Variants in CSMD1 observed in about 807,000 individuals in gnomAD.
CSMD1 encodes CUB and sushi domain-containing protein 1.
Under a neutral mutation model 417.5 loss-of-function variants are expected in CSMD1, and 213 were observed. The observed-to-expected ratio is 0.51, with a 90% confidence interval of 0.46 to 0.57. The LOEUF (loss-of-function observed/expected upper bound fraction) is 0.57, where lower values mean the gene tolerates loss of function less well. Among genes scored for constraint, CSMD1 ranks in the 20% least tolerant of loss-of-function variants. The pLI is 0.00. For missense variants in CSMD1, 6,923 were observed against 4,529.7 expected (o/e 1.53, Z -15.17); for synonymous variants, 2,862 against 1,736.8 (o/e 1.65, Z -16.11).
intron 3 of CSMD1, among the ~76,000 whole-genome samples, chr8:4,155,018 A>T (rs1796758090): frequency 6.6e-6 from 1 of 152,140 alleles, no homozygotes; most frequent in Non-Finnish European, 1.5e-5. Flanking sequence ...GCAGTGATAA[A>T]CCTCATCACA....
intron 4 of CSMD1, among the ~76,000 whole-genome samples, chr8:4,021,313 A>G (rs1443034959): frequency 6.6e-6 from 1 of 152,200 alleles, no homozygotes; most frequent in African/African-American, 2.4e-5. Context: ...GGTTGACAAA[A>G]TCCATTATTA....
At chr8:3,938,089 T>C (rs555263214) in intron 5 of CSMD1, among the ~76,000 whole-genome samples, 3 of 152,144 alleles carry the variant, frequency 2.0e-5, no homozygotes, top group Admixed American at 1.3e-4. Context: ...GATCGTGTAG[T>C]AGAAATTTTG....
chr8:3,080,380 G>A (rs932461580), intron 49 of CSMD1, among the ~76,000 whole-genome samples: 3 of 152,192 alleles, frequency 2.0e-5, no homozygotes, highest in Non-Finnish European at 4.4e-5. Flanking sequence ...GATCTGCCTG[G>A]CTTTATCAAG....
At chr8:4,979,672 T>C (rs1810767051) in intron 1 of CSMD1, among the ~76,000 whole-genome samples, 1 of 152,238 alleles carries the variant, frequency 6.6e-6, no homozygotes, top group Non-Finnish European at 1.5e-5. Flanking sequence ...GTGGTGAAAA[T>C]GTGTTTAGTT....
chr8:4,727,504 G>A (rs894279682), intron 1 of CSMD1, among the ~76,000 whole-genome samples: 2 of 152,260 alleles, frequency 1.3e-5, no homozygotes, highest in Admixed American at 6.5e-5. Flanking sequence ...CTTTCAAAAA[G>A]CAAGTGAAAT....
chr8:3,973,177 A>G (rs1813200044), intron 5 of CSMD1, among the ~76,000 whole-genome samples: 1 of 152,194 alleles, frequency 6.6e-6, no homozygotes, highest in Admixed American at 6.5e-5. Context: ...AACGTGGAAA[A>G]ACTGTTACCT....
chr8:3,749,045 G>C (rs904161019), intron 6 of CSMD1, among the ~76,000 whole-genome samples: 4 of 152,092 alleles, frequency 2.6e-5, no homozygotes, highest in Non-Finnish European at 5.9e-5. Context: ...TGTAAAACTG[G>C]AGCCCAACAC....
At chr8:3,282,290 G>C (rs537937403) in intron 26 of CSMD1, among the ~76,000 whole-genome samples, 19 of 152,204 alleles carry the variant, frequency 1.2e-4, no homozygotes, top group Middle Eastern at 3.4e-3. Context: ...ACAGGGAGGA[G>C]GCTGTGTGCT....
chr8:3,749,729 G>A (rs936714711), intron 6 of CSMD1, among the ~76,000 whole-genome samples: 9 of 151,382 alleles, frequency 5.9e-5, no homozygotes, highest in African/African-American at 2.2e-4. Context: ...TACGGTTTAT[G>A]TTTTTTTTTC....
intron 1 of CSMD1, among the ~76,000 whole-genome samples, chr8:4,978,906 C>A (rs1325541610): frequency 1.3e-5 from 2 of 152,140 alleles, no homozygotes; most frequent in African/African-American, 2.4e-5. Context: ...CCACTGCACT[C>A]CAGCCTGGGC....
At chr8:3,172,257 GT>G (rs1459856162) in intron 37 of CSMD1, among the ~76,000 whole-genome samples, 1 of 151,702 alleles carries the variant, frequency 6.6e-6, no homozygotes, top group Non-Finnish European at 1.5e-5. Flanking sequence ...ATTTTTGTTT[GT>G]TTTGTTTCAC....
intron 6 of CSMD1, among the ~76,000 whole-genome samples, chr8:3,744,203 G>A (rs1039859810): frequency 6.6e-6 from 1 of 152,206 alleles, no homozygotes; most frequent in African/African-American, 2.4e-5. Flanking sequence ...GTTGAGGACA[G>A]GGATGACGTG....
chr8:3,411,970 G>A lies in CSMD1; in HGVS notation c.1562-2365C>T, dbSNP rs1343605689. Among the ~76,000 whole-genome samples the A allele has an allele frequency of 1.0e-3, 43 of 42,950 alleles. 1 individual carries two copies. The highest frequency in any genetic ancestry group is 1.3e-3 in the Non-Finnish European group (26 of 20,506). The allele number at this position is 42,950 out of a possible 152,430, so 28.2% of individuals were successfully genotyped here. A position where few individuals can be genotyped will look rare whatever the true frequency, so the allele number is the denominator to read the frequency against. The stretch of plus-strand genomic sequence containing the variant: ...CGTATATATACACGTATATATGCAC[G>A]TATATATACACGTATATATACGTGT... On this transcript the variant is annotated intron_variant, in intron 12 of 69. Coordinates refer to ENST00000635120, the MANE Select transcript of CSMD1 (RefSeq NM_033225.6).
chr8:4,666,574 T>C (rs995764550), intron 1 of CSMD1, among the ~76,000 whole-genome samples: 2 of 152,238 alleles, frequency 1.3e-5, no homozygotes, highest in Non-Finnish European at 2.9e-5. Context: ...CTTCTAAAAC[T>C]GTAAAATAAC....
chr8:3,553,232 T>A (rs147164494), intron 10 of CSMD1, among the ~76,000 whole-genome samples: 2 of 152,164 alleles, frequency 1.3e-5, no homozygotes, highest in South Asian at 2.1e-4. Context: ...GATACCTAGG[T>A]AGGCTTTCAG....
intron 2 of CSMD1, among the ~76,000 whole-genome samples, chr8:4,535,300 G>A (rs897735806): frequency 1.3e-5 from 2 of 151,960 alleles, no homozygotes; most frequent in African/African-American, 4.8e-5. Context: ...TCAATTATTT[G>A]TTATCTGAAA....
At chr8:3,544,508 C>T (rs1487247188) in intron 10 of CSMD1, among the ~76,000 whole-genome samples, 1 of 151,380 alleles carries the variant, frequency 6.6e-6, no homozygotes, top group African/African-American at 2.4e-5. Flanking sequence ...TCTGAATAAA[C>T]TTGCCTTTGC....
intron 6 of CSMD1, among the ~76,000 whole-genome samples, chr8:3,735,021 C>T (rs1796458197): frequency 6.6e-6 from 1 of 152,216 alleles, no homozygotes; most frequent in African/African-American, 2.4e-5. Context: ...GGAGGGAATG[C>T]TGTTTTTGTA....
chr8:4,041,005 T>TTTC (rs1285106566), intron 3 of CSMD1, among the ~76,000 whole-genome samples: 36 of 120,950 alleles, frequency 3.0e-4, no homozygotes, highest in East Asian at 6.6e-4. Flanking sequence ...CTTTTCTTTC[T>TTTC]TTTTTTTTTT....
Sources: gnomAD v4.1 joint callset for allele counts (sites outside exome capture counted in the v4.1 genomes callset) on GRCh38, gnomAD v4.1.1 for gene constraint, MANE v1.5 for transcripts, NCBI Gene and HGNC (gene_info 2026-07-23, HGNC 2026-07-21) for gene names.